Variants in IPCEF1 observed in about 807,000 individuals in gnomAD.
IPCEF1 encodes interactor protein for cytohesin exchange factors 1.
In IPCEF1, 31 loss-of-function variants were observed where a neutral mutation model predicts 50.9. The ratio of observed to expected loss-of-function variants is 0.61; its 90% CI spans 0.46 to 0.82. The LOEUF (loss-of-function observed/expected upper bound fraction) is 0.82, where lower values mean the gene tolerates loss of function less well. Among genes scored for constraint, IPCEF1 ranks in the 40% least tolerant of loss-of-function variants. IPCEF1 has a pLI of 0.00. For missense variants in IPCEF1, 458 were observed against 514.0 expected, an observed-to-expected ratio of 0.89 and a Z score of 1.05; for synonymous variants, 181 against 192.0, an observed-to-expected ratio of 0.94 and a Z score of 0.47.
At chr6:154,229,892 G>A (rs947695114) in intron 5 of IPCEF1, among the ~76,000 whole-genome samples, 1 of 152,192 alleles carries the variant, frequency 6.6e-6, no homozygotes, top group Non-Finnish European at 1.5e-5. Flanking sequence ...ATGAAAAGGA[G>A]CAAACCAGTG....
At chr6:154,197,879 A>C (rs531238916) in intron 10 of IPCEF1, among the ~76,000 whole-genome samples, 1 of 152,280 alleles carries the variant, frequency 6.6e-6, no homozygotes, top group African/African-American at 2.4e-5. Context: ...CCAGTGATTA[A>C]AGTAAGCGTT....
chr6:154,239,126 G>A (rs1476684173), intron 5 of IPCEF1, among the ~76,000 whole-genome samples: 2 of 152,018 alleles, frequency 1.3e-5, no homozygotes, highest in Non-Finnish European at 2.9e-5. Flanking sequence ...CAAGACAAAA[G>A]AAACCAACAT....
intron 1 of IPCEF1, among the ~76,000 whole-genome samples, chr6:154,329,187 GA>G (rs1391415193): frequency 6.6e-6 from 1 of 152,088 alleles, no homozygotes; most frequent in Non-Finnish European, 1.5e-5. Context: ...CGACGGGGGA[GA>G]ATCACTTGAG....
chr6:154,306,509 T>A (rs746802534), intron 1 of IPCEF1, among the ~76,000 whole-genome samples: 23 of 152,186 alleles, frequency 1.5e-4, no homozygotes, highest in Admixed American at 4.6e-4. Flanking sequence ...AGTGTTGGGA[T>A]TACAGGCATG....
chr6:154,225,291 T>C (rs563701221), intron 5 of IPCEF1, among the ~76,000 whole-genome samples: 2 of 152,300 alleles, frequency 1.3e-5, no homozygotes, highest in African/African-American at 2.4e-5. Flanking sequence ...CAAATACATG[T>C]GCAGCCCTGT....
intron 10 of IPCEF1, among the ~76,000 whole-genome samples, chr6:154,192,928 C>G (rs1167229209): frequency 6.6e-6 from 1 of 152,122 alleles, no homozygotes; most frequent in Non-Finnish European, 1.5e-5. Flanking sequence ...GGAATGTAAA[C>G]TAGGACAACC....
chr6:154,314,973 C>A (rs918632638), intron 1 of IPCEF1, among the ~76,000 whole-genome samples: 3 of 151,828 alleles, frequency 2.0e-5, no homozygotes, highest in Admixed American at 1.3e-4. Flanking sequence ...CTCCGCCTCC[C>A]AGGTTCAAGC....
chr6:154,321,443 T>C (rs1435218672), intron 1 of IPCEF1, among the ~76,000 whole-genome samples: 1 of 151,826 alleles, frequency 6.6e-6, no homozygotes, highest in Non-Finnish European at 1.5e-5. Context: ...TATTTATAAA[T>C]TTCCTTCTCA....
intron 5 of IPCEF1, 112 bp from the exon 6 acceptor site, chr6:154,223,355 A>C (rs921897725): frequency 1.2e-6 from 1 of 820,864 alleles, no homozygotes; most frequent in Non-Finnish European, 2.0e-6. Flanking sequence ...GGGAGAATCA[A>C]GAGATACCAA....
chr6:154,244,865 C>G (rs1780903386), intron 5 of IPCEF1, among the ~76,000 whole-genome samples: 1 of 152,192 alleles, frequency 6.6e-6, no homozygotes, highest in South Asian at 2.1e-4. Flanking sequence ...ATGCCAAGCT[C>G]CATCAGCGTC....
Position 154,246,665 on chromosome 6 carries a change from A to G in IPCEF1, c.172T>C (p.Phe58Leu). ...AACTTTTTCCATTTGTTGCTTAGGA[A>G]ACTTCCCTTTTCCTTTTTCTTATAC... ...WLYKKKEKGS[F>L]LSNKWKKFWV... The change falls in exon 5 of 12, where the codon TTC becomes CTC. Residue 58 changes from phenylalanine (F) to leucine (L), a missense_variant. Coordinates refer to ENST00000367220, the MANE Select transcript of IPCEF1 (RefSeq NM_001130700.2). 6.2e-7 allele frequency: 1 copy of G among 1,614,066 alleles called. No homozygotes were observed. Among genetic ancestry groups the G allele is most frequent in the Non-Finnish European group, 8.5e-7 (1 of 1,179,994 alleles).
intron 3 of IPCEF1, among the ~76,000 whole-genome samples, chr6:154,248,338 T>TGTAG (rs1554298775): frequency 6.7e-6 from 1 of 148,994 alleles, no homozygotes; most frequent in African/African-American, 2.5e-5. Context: ...TGTGTGTGTG[T>TGTAG]AGAGAGAGAG....
intron 1 of IPCEF1, among the ~76,000 whole-genome samples, chr6:154,342,178 C>T (rs2128698301): frequency 6.6e-6 from 1 of 152,220 alleles, no homozygotes; most frequent in East Asian, 1.9e-4. Context: ...TTTAGGTCTG[C>T]AGTCTAAGTC....
chr6:154,247,489 C>G lies in IPCEF1; in HGVS notation c.37-1G>C, dbSNP rs1161690111. 6.2e-7 allele frequency: 1 copy of G among 1,611,182 alleles called. No individual in the cohort carries two copies. Among genetic ancestry groups the G allele is most frequent in the Admixed American group, 1.7e-5 (1 of 59,956 alleles). ...TGGGCTTCTGACGCAAGGGAACCTGCTGAAAATGCAGGAAGGAAAGAAAAG... is the reference window on the plus strand; with the variant it reads ...TGGGCTTCTGACGCAAGGGAACCTGGTGAAAATGCAGGAAGGAAAGAAAAG... On this transcript the variant is annotated splice_acceptor_variant, in intron 3 of 11. Coordinates refer to ENST00000367220, the MANE Select transcript of IPCEF1 (RefSeq NM_001130700.2). LOFTEE classifies it high-confidence loss of function.
At chr6:154,316,746 A>G (rs1783229444) in intron 1 of IPCEF1, among the ~76,000 whole-genome samples, 1 of 152,218 alleles carries the variant, frequency 6.6e-6, no homozygotes, top group Non-Finnish European at 1.5e-5. Context: ...GAAAATCACT[A>G]AAAGTGTAAA....
intron 1 of IPCEF1, among the ~76,000 whole-genome samples, chr6:154,309,628 AT>A (rs1296016870): frequency 6.6e-6 from 1 of 151,350 alleles, no homozygotes. Context: ...TCTGTCCTGT[AT>A]TTTTTTTCAT....
chr6:154,282,990 A>G (rs73789427), intron 2 of IPCEF1, among the ~76,000 whole-genome samples: 24,811 of 151,886 alleles, frequency 0.16, 2,154 homozygotes, highest in Middle Eastern at 0.24. Context: ...AATCCCACAA[A>G]TTTTCAAAGA....
intron 1 of IPCEF1, among the ~76,000 whole-genome samples, chr6:154,337,550 G>C (rs1242420498): frequency 2.0e-5 from 3 of 152,204 alleles, no homozygotes; most frequent in Non-Finnish European, 4.4e-5. Context: ...GGTAGGCAAA[G>C]AGGCCAGGCC....
intron 5 of IPCEF1, among the ~76,000 whole-genome samples, chr6:154,245,829 A>G (rs2128641835): frequency 6.6e-6 from 1 of 152,300 alleles, no homozygotes; most frequent in African/African-American, 2.4e-5. Flanking sequence ...ATTCAACAAC[A>G]TCGTCATTTT....
Sources: gnomAD v4.1 joint callset for allele counts (sites outside exome capture counted in the v4.1 genomes callset) on GRCh38, gnomAD v4.1.1 for gene constraint, MANE v1.5 for transcripts, NCBI Gene and HGNC (gene_info 2026-07-23, HGNC 2026-07-21) for gene names.